PRR12: variants seen among roughly 807,000 people sequenced by gnomAD.
PRR12 encodes the protein proline rich 12, also known as proline-rich protein 12.
In PRR12, 12 loss-of-function variants were observed where a neutral mutation model predicts 138.0. The observed-to-expected ratio is 0.09, with a 90% CI of 0.06 to 0.14. The LOEUF (loss-of-function observed/expected upper bound fraction) is 0.14, where lower values mean the gene tolerates loss of function less well. PRR12 is among the 10% of genes least tolerant of loss of function. The pLI, the probability that PRR12 is intolerant of heterozygous loss-of-function variation, is 1.00. For synonymous variants in PRR12, 1,567 were observed against 1,291.7 expected, an observed-to-expected ratio of 1.21 and a Z score of -4.57; for missense variants, 2,692 against 2,861.3, an observed-to-expected ratio of 0.94 and a Z score of 1.35.
chr19:49,592,737 A>T (rs2080737183), intron 1 of PRR12, among the ~76,000 whole-genome samples: 1 of 151,762 alleles, frequency 6.6e-6, no homozygotes, highest in Non-Finnish European at 1.5e-5. Flanking sequence ...ACCCCCGGGG[A>T]TGGTCGGTGT....
In PRR12 at chr19:49,595,342, GTGGGGAGCCCTCCCCGGGTGC is replaced by G. The variant is rs1395280383; in HGVS notation, c.1017_1037del (p.Pro341_Ser347del). 7.1e-6 allele frequency: 11 copies of G among 1,542,836 alleles called. No individual in the cohort carries two copies. Among genetic ancestry groups the G allele is most frequent in the African/African-American group, 1.4e-5 (1 of 72,886 alleles). On this transcript the variant is annotated inframe_deletion, in exon 4 of 14. Coordinates refer to ENST00000418929, the MANE Select transcript of PRR12 (RefSeq NM_020719.3). Reference sequence around the variant, plus strand: ...AACCTGGCCTGCAGCCCCCTGGGTGGTGGGGAGCCCTCCCCGGGTGCTGGGGAGCCTAGCAAGGCTGGTCCC... The same window carrying G: ...AACCTGGCCTGCAGCCCCCTGGGTGGTGGGGAGCCTAGCAAGGCTGGTCCC...
In PRR12 at chr19:49,596,890, C is replaced by T. The variant is rs1237431083; in HGVS notation, c.2555C>T (p.Ala852Val). The T allele has an allele frequency of 1.3e-6, 2 of 1,548,412 alleles. No homozygotes were observed. Among genetic ancestry groups the T allele is most frequent in the Non-Finnish European group, 1.7e-6 (2 of 1,154,392 alleles). ...PPPPMPLQLE[A>V]HLRSHGLEPA... The stretch of plus-strand genomic sequence containing the variant: ...CCACCCATGCCCCTGCAGCTCGAGG[C>T]CCACCTCCGCAGCCATGGCCTGGAG... Residue 852 changes from alanine (A) to valine (V), a missense_variant, in exon 4 of 14, where the codon GCC becomes GTC. Around this residue, in one of 11 missense-constraint regions of PRR12, gnomAD observed 840 missense variants for 689.8 expected, o/e 1.22. Transcript: ENST00000418929. This position sits in a 1 kb window ranked among gnomAD's most constrained non-coding sequence, Gnocchi z 5.6.
chr19:49,615,097 G>T (rs1163853090), intron 8 of PRR12, 88 bp downstream of exon 8: 18 of 1,551,502 alleles, frequency 1.2e-5, no homozygotes, highest in Admixed American at 3.5e-5. Flanking sequence ...GCTGGAGAGT[G>T]GGGGGTGGGG....
At chr19:49,593,788 TCTTTCTTCCTGATTCC>T (rs982263082) in intron 2 of PRR12, among the ~76,000 whole-genome samples, 12 of 152,176 alleles carry the variant, frequency 7.9e-5, no homozygotes, top group African/African-American at 2.9e-4. Flanking sequence ...AACTCTGAAT[TCTTTCTTCCTGATTCC>T]CTTTCTTCCT....
rs1001563451 is a variant in PRR12, at chr19:49,597,086, C to T, written c.2751C>T (p.Ser917=). The part of the protein sequence containing the change: ...KDPAGAYRSP[S]PQGTKAPRFV... Reference sequence around the variant, plus strand: ...CCGCAGGCGCCTACCGCAGCCCCAGCCCGCAAGGCACCAAGGCGCCGCGTT... The same window carrying T: ...CCGCAGGCGCCTACCGCAGCCCCAGTCCGCAAGGCACCAAGGCGCCGCGTT... The change falls in exon 4 of 14, where the codon AGC becomes AGT. Residue 917 remains serine, a synonymous_variant. Transcript: ENST00000418929. This position sits in a 1 kb window ranked among gnomAD's most constrained non-coding sequence, Gnocchi z 6.3. 1.9e-6 allele frequency: 3 copies of T among 1,551,956 alleles called. No homozygotes were observed. In the African/African-American group the frequency reaches 4.1e-5, roughly 21 times the overall value.
Position 49,596,859 on chromosome 19 carries a change from C to A in PRR12, c.2524C>A (p.Pro842Thr). ...CCAGCCACCTCCACCGCCACCCCCG[C>A]CTCCACCACCCATGCCCCTGCAGCT... Reference protein sequence around the residue: ...APQPPPPPPPPPPPMPLQLEA... With the variant: ...APQPPPPPPPTPPPMPLQLEA... The change falls in exon 4 of 14, where the codon CCT becomes ACT. Residue 842 changes from proline (P) to threonine (T), a missense_variant. Transcript: ENST00000418929. The surrounding 1 kb of genome is among the most constrained non-coding windows in gnomAD (Gnocchi z 5.6). 1 of 1,574,306 alleles carries A rather than the reference C, an allele frequency of 6.4e-7. No individual in the cohort carries two copies. The highest frequency in any genetic ancestry group is 8.6e-7 in the Non-Finnish European group (1 of 1,167,294).
intron 2 of PRR12, 148 bp downstream of exon 2, chr19:49,593,587 T>C: frequency 1.8e-6 from 1 of 561,872 alleles, no homozygotes. Context: ...TTGGTTGCCT[T>C]TGAGGCTGCT....
In PRR12 at chr19:49,597,364, T is replaced by TGGACCC. The variant is rs2122301057; in HGVS notation, c.3030_3035dup (p.Asp1011_Pro1012dup). 1.9e-6 allele frequency: 3 copies of TGGACCC among 1,538,694 alleles called. No homozygotes were observed. Among genetic ancestry groups the TGGACCC allele is most frequent in the East Asian group, 2.4e-5 (1 of 40,914 alleles). Reference sequence around the variant, plus strand: ...GGGCCCGAGACACCGGGCCTGGGCCTGGACCCCAACAAACCGCCTGAACTG... The same window carrying TGGACCC: ...GGGCCCGAGACACCGGGCCTGGGCCTGGACCCGGACCCCAACAAACCGCCTGAACTG... On this transcript the variant is annotated inframe_insertion, in exon 4 of 14. Coordinates refer to ENST00000418929, the MANE Select transcript of PRR12 (RefSeq NM_020719.3). The surrounding 1 kb of genome is among the most constrained non-coding windows in gnomAD (Gnocchi z 6.3).
At position 49,595,247 on chromosome 19, in the gene PRR12, G is replaced by T; in HGVS notation, c.912G>T (p.Pro304=). ...CCAGTGCCCAGCCCCCACCACCCCC[G>T]CCACCAGCCCATGCGCTCCAGCACT... ...RPASAQPPPP[P]PPAHALQHYL... is the part of the protein sequence containing the mutation. The change falls in exon 4 of 14, where the codon CCG becomes CCT. Residue 304 remains proline, a synonymous_variant. Transcript: ENST00000418929. 1 of 965,528 alleles carries T rather than the reference G, an allele frequency of 1.0e-6. No homozygotes were observed. The highest frequency in any genetic ancestry group is 1.4e-5 in the South Asian group (1 of 72,052). 59.8% of individuals were successfully genotyped at this position (965,528 alleles called of 1,614,324 possible).
chr19:49,595,468 G>C lies in PRR12; in HGVS notation c.1133G>C (p.Gly378Ala), dbSNP rs1296646625. 6.5e-7 allele frequency: 1 copy of C among 1,550,226 alleles called. No homozygotes were observed. The highest frequency in any genetic ancestry group is 8.7e-7 in the Non-Finnish European group (1 of 1,147,844). The change falls in exon 4 of 14, where the codon GGA becomes GCA. Residue 378 changes from glycine (G) to alanine (A), a missense_variant. Gly to Ala is a moderately conservative substitution (Grantham distance 60). This residue lies in a region of PRR12 where 523 missense variants were observed against 496.4 expected (regional missense o/e 1.05). Coordinates refer to ENST00000418929, the MANE Select transcript of PRR12 (RefSeq NM_020719.3). Reference sequence around the variant, plus strand: ...GGCGGTGGGGCTGGGGGTGGTGGTGGAGGTTACCGCCCCATCATTCAGTCG... The same window carrying C: ...GGCGGTGGGGCTGGGGGTGGTGGTGCAGGTTACCGCCCCATCATTCAGTCG... ...AGGGGAGGGG[G>A]GYRPIIQSPG...
rs1356287450 is a variant in PRR12 at position 49,601,679 on chromosome 19, C to T, written c.4534C>T (p.Pro1512Ser). The change falls in exon 6 of 14, where the codon CCT becomes TCT. Residue 1512 changes from proline (P) to serine (S), a missense_variant. By Grantham distance (74) the Pro-to-Ser change is moderately conservative. Coordinates refer to ENST00000418929, the MANE Select transcript of PRR12 (RefSeq NM_020719.3). ...GCCACCTCCACCAGCCATGCCCTCG[C>T]CTCCACCACCACCCCCACCAGCCGC... is the stretch of plus-strand genomic sequence containing the variant. Reference protein sequence around the residue: ...PPPPPPAMPSPPPPPPPAAAP... With the variant: ...PPPPPPAMPSSPPPPPPAAAP... 16 of 1,538,708 alleles carry T rather than the reference C, an allele frequency of 1.0e-5. No individual in the cohort carries two copies. Among genetic ancestry groups the T allele is most frequent in the Non-Finnish European group, 1.3e-5 (15 of 1,146,004 alleles).
rs1288773577 is a variant in PRR12 at position 49,614,384 on chromosome 19, A to G, written c.4774-149A>G. 5.1e-6 allele frequency: 3 copies of G among 587,736 alleles called. No homozygotes were observed. Among genetic ancestry groups the G allele is most frequent in the Admixed American group, 6.3e-5 (2 of 31,636 alleles). The allele number at this position is 587,736 out of a possible 1,614,324, so 36.4% of individuals were successfully genotyped here. On this transcript the variant is annotated intron_variant, in intron 6 of 13. Coordinates refer to ENST00000418929, the MANE Select transcript of PRR12 (RefSeq NM_020719.3). The surrounding 1 kb of genome is among the most constrained non-coding windows in gnomAD (Gnocchi z 5.0). ...GTTCAAGCTGTACACAGAGCTGAACACATCATGGGGGTAGAAGATATTTGT... is the reference window on the plus strand; with the variant it reads ...GTTCAAGCTGTACACAGAGCTGAACGCATCATGGGGGTAGAAGATATTTGT...
rs764795751 is a variant in PRR12 at position 49,595,916 on chromosome 19, C to T, written c.1581C>T (p.Ala527=). 9.4e-6 allele frequency: 15 copies of T among 1,602,288 alleles called. No individual in the cohort carries two copies. The Admixed American group carries it at 1.2e-4, about 12-fold the overall frequency. ...CCCACTCCCAGGGGCTGCCCACAGC[C>T]AGCCCCTCGCTCAGCTACAGTACCG... ...PAAHSQGLPT[A]SPSLSYSTGH... The change falls in exon 4 of 14, where the codon GCC becomes GCT. Residue 527 remains alanine (A), a synonymous_variant. Coordinates refer to ENST00000418929, the MANE Select transcript of PRR12 (RefSeq NM_020719.3).
chr19:49,600,078 C>G, intron 5 of PRR12, 140 bp downstream of exon 5: 1 of 1,000,342 alleles, frequency 1.0e-6, no homozygotes, highest in African/African-American at 1.6e-5. Context: ...AAGGGACTTT[C>G]CTGATTACAC....
chr19:49,597,369 C>G lies in PRR12; in HGVS notation c.3034C>G (p.Pro1012Ala). ...GPETPGLGLD[P>A]NKPPELPSTV... ...CGAGACACCGGGCCTGGGCCTGGAC[C>G]CCAACAAACCGCCTGAACTGCCCTC... Residue 1012 changes from proline (P) to alanine (A), a missense_variant, in exon 4 of 14, where the codon CCC (proline) becomes GCC (alanine). Coordinates refer to ENST00000418929, the MANE Select transcript of PRR12 (RefSeq NM_020719.3). This position sits in a 1 kb window ranked among gnomAD's most constrained non-coding sequence, Gnocchi z 6.3. 1 of 1,538,382 alleles carries G rather than the reference C, an allele frequency of 6.5e-7. No homozygotes were observed. The highest frequency in any genetic ancestry group is 2.0e-5 in the Admixed American group (1 of 51,000).
Position 49,597,518 on chromosome 19 carries a change from G to T in PRR12, c.3183G>T (p.Ser1061=), listed in dbSNP as rs2080781976. 1 of 1,558,096 alleles carries T rather than the reference G, an allele frequency of 6.4e-7. No individual in the cohort carries two copies. The part of the protein sequence containing the change: ...PASEPKGGLT[S]PIFCSTKPKK... ...CCGAACCCAAGGGTGGCCTCACCTC[G>T]CCCATCTTCTGCTCTACCAAGCCAA... Residue 1061 remains serine (S), a synonymous_variant, in exon 4 of 14, where the codon TCG becomes TCT. Transcript: ENST00000418929. This position sits in a 1 kb window ranked among gnomAD's most constrained non-coding sequence, Gnocchi z 6.3.
chr19:49,617,071 C>T (rs1286921559), intron 9 of PRR12, among the ~76,000 whole-genome samples: 7 of 149,138 alleles, frequency 4.7e-5, no homozygotes, highest in Non-Finnish European at 7.4e-5. Context: ...GCAGAGGTTA[C>T]GGTGAGCTGA....
intron 11 of PRR12, among the ~76,000 whole-genome samples, chr19:49,622,506 C>T (rs1329386977): frequency 6.8e-6 from 1 of 146,902 alleles, no homozygotes; most frequent in Non-Finnish European, 1.5e-5. Context: ...GCAGGAGAAT[C>T]AGTTGAACCC....
chr19:49,605,134 A>G (rs1369827284), intron 6 of PRR12, among the ~76,000 whole-genome samples: 1 of 151,896 alleles, frequency 6.6e-6, no homozygotes, highest in Non-Finnish European at 1.5e-5. Flanking sequence ...TACAGGAATG[A>G]GCCACTGTGC....
Sources: gnomAD v4.1 joint callset for allele counts (sites outside exome capture counted in the v4.1 genomes callset) on GRCh38, gnomAD v4.1.1 for gene constraint, gnomAD v4.1.1 regional missense constraint, Gnocchi (gnomAD v3.1) non-coding constraint, MANE v1.5 for transcripts, NCBI Gene and HGNC (gene_info 2026-07-23, HGNC 2026-07-21) for gene names.